AGO2: variants seen among roughly 807,000 people sequenced by gnomAD.
The protein encoded by AGO2 is argonaute RISC catalytic component 2.
In AGO2, 5 loss-of-function variants were observed where a neutral mutation model predicts 102.3. The ratio of observed to expected loss-of-function variants is 0.05; its 90% CI spans 0.03 to 0.10. The LOEUF is 0.10. Among genes scored for constraint, AGO2 ranks in the 10% least tolerant of loss-of-function variants. The pLI is 1.00. For missense variants in AGO2, 541 were observed against 1,183.7 expected, an observed-to-expected ratio of 0.46 and a Z score of 7.97; for synonymous variants, 449 against 473.1, an observed-to-expected ratio of 0.95 and a Z score of 0.66.
At chr8:140,595,231 T>C (rs553818859) in intron 1 of AGO2, among the ~76,000 whole-genome samples, 30 of 152,300 alleles carry the variant, frequency 2.0e-4, no homozygotes, top group African/African-American at 6.7e-4. Flanking sequence ...GCTTCTCCAT[T>C]GATCACACGG....
chr8:140,604,995 T>C (rs2073977560), intron 1 of AGO2, among the ~76,000 whole-genome samples: 1 of 152,186 alleles, frequency 6.6e-6, no homozygotes, highest in East Asian at 1.9e-4. Flanking sequence ...ACGTGCACTA[T>C]GTGGGATTTG....
intron 1 of AGO2, among the ~76,000 whole-genome samples, chr8:140,619,282 C>G (rs965207632): frequency 2.6e-5 from 4 of 152,216 alleles, no homozygotes; most frequent in African/African-American, 9.6e-5. Flanking sequence ...GGAACAGCTC[C>G]CTAACAGGCA....
chr8:140,634,628 T>G (rs1056845653), intron 1 of AGO2, among the ~76,000 whole-genome samples: 1 of 152,194 alleles, frequency 6.6e-6, no homozygotes, highest in Admixed American at 6.5e-5. Flanking sequence ...CGCTTTAAGT[T>G]TTTTAGAACT....
chr8:140,603,737 G>A (rs781135136), intron 1 of AGO2, among the ~76,000 whole-genome samples: 18 of 152,262 alleles, frequency 1.2e-4, no homozygotes, highest in Non-Finnish European at 2.6e-4. Context: ...TCCCTCAAGA[G>A]GGGCTTGCTC....
In AGO2 at chr8:140,567,034, T is replaced by C. The variant is rs1422270342; in HGVS notation, c.337-4400A>G. 1.3e-5 allele frequency among the ~76,000 whole-genome samples: 2 copies of C among 152,260 alleles called. No homozygotes were observed. The highest frequency in any genetic ancestry group is 4.8e-5 in the African/African-American group (2 of 41,474). ...GCACTCGGCATCCAGCCTACAGTGC[T>C]GTGCCCTGGCACGGATCGGATGCCT... On this transcript the variant is annotated intron_variant, in intron 3 of 18. Transcript: ENST00000220592. The surrounding 1 kb of genome is among the most constrained non-coding windows in gnomAD (Gnocchi z 5.0).
rs564268049 is a variant in AGO2, at chr8:140,598,619, G to A, written c.23-13308C>T. On this transcript the variant is annotated intron_variant, in intron 1 of 18. Transcript: ENST00000220592. ...CTCCCGCTTGCCCGACAGCCCTGGTGCCAAGCCCTGTCTGAGCCCCACCAG... is the reference window on the plus strand; with the variant it reads ...CTCCCGCTTGCCCGACAGCCCTGGTACCAAGCCCTGTCTGAGCCCCACCAG... Among the ~76,000 whole-genome samples, 3 of 152,302 alleles carry A rather than the reference G, an allele frequency of 2.0e-5. No individual in the cohort carries two copies. The South Asian group carries it at 6.2e-4, about 32-fold the overall frequency.
intron 8 of AGO2, 146 bp downstream of exon 8, chr8:140,556,943 C>T: frequency 8.2e-7 from 1 of 1,218,694 alleles, no homozygotes; most frequent in South Asian, 1.5e-5. Context: ...TAACAAAGCC[C>T]ATTAACCCAC....
At chr8:140,549,985 G>C (rs1391965595) in intron 11 of AGO2, among the ~76,000 whole-genome samples, 1 of 152,200 alleles carries the variant, frequency 6.6e-6, no homozygotes, top group Non-Finnish European at 1.5e-5. Flanking sequence ...CCAATTTCCT[G>C]TACATTAGAT....
chr8:140,612,350 C>T (rs566064643), intron 1 of AGO2, among the ~76,000 whole-genome samples: 8 of 151,346 alleles, frequency 5.3e-5, no homozygotes, highest in Admixed American at 4.6e-4. Context: ...CCGTGTAACT[C>T]TGTGAGCTAG....
chr8:140,613,045 AAAT>A (rs1254023772), intron 1 of AGO2, among the ~76,000 whole-genome samples: 1 of 151,894 alleles, frequency 6.6e-6, no homozygotes, highest in African/African-American at 2.4e-5. Flanking sequence ...TAAAAATACA[AAAT>A]AATTAGCCAG....
At chr8:140,534,636 T>A (rs987408769) in intron 17 of AGO2, among the ~76,000 whole-genome samples, 1 of 152,258 alleles carries the variant, frequency 6.6e-6, no homozygotes, top group African/African-American at 2.4e-5. Flanking sequence ...TGTGACATTT[T>A]AAAATATTTC....
chr8:140,565,227 C>G (rs1356490803), intron 3 of AGO2, among the ~76,000 whole-genome samples: 1 of 151,984 alleles, frequency 6.6e-6, no homozygotes, highest in Non-Finnish European at 1.5e-5. Flanking sequence ...ATCACGAGAT[C>G]AGGAGATCGA....
At chr8:140,585,874 T>C (rs934727171) in intron 1 of AGO2, among the ~76,000 whole-genome samples, 5 of 152,210 alleles carry the variant, frequency 3.3e-5, no homozygotes, top group African/African-American at 1.2e-4. Context: ...TCAATCCCTA[T>C]TGACATTCAC....
intron 3 of AGO2, among the ~76,000 whole-genome samples, chr8:140,566,712 C>T (rs745557893): frequency 2.7e-5 from 4 of 150,812 alleles, no homozygotes; most frequent in African/African-American, 9.8e-5. Flanking sequence ...AGCAGAGGGG[C>T]GAGTGCCCCT....
At chr8:140,633,319 CCA>C (rs938860931) in intron 1 of AGO2, among the ~76,000 whole-genome samples, 2 of 152,176 alleles carry the variant, frequency 1.3e-5, no homozygotes, top group Non-Finnish European at 2.9e-5. Context: ...TGGAACTGCA[CCA>C]CAGACTTATA....
rs1392931218 is a variant in AGO2, at chr8:140,527,419, A to G, written c.*4625T>C. The G allele has an allele frequency of 6.5e-6, 1 of 152,864 alleles. No homozygotes were observed. The highest frequency in any genetic ancestry group is 1.9e-4 in the East Asian group (1 of 5,198). 9.5% of individuals were successfully genotyped at this position (152,864 alleles called of 1,614,324 possible). ...TACAATCATCTCAAACAAGTACAGC[A>G]GATGCGAAGTGGGACATCGTAAAAA... On this transcript the variant is annotated 3_prime_UTR_variant, in exon 19 of 19. Transcript: ENST00000220592. The surrounding 1 kb of genome is among the most constrained non-coding windows in gnomAD (Gnocchi z 6.0).
chr8:140,596,413 G>A (rs1000543263), intron 1 of AGO2, among the ~76,000 whole-genome samples: 4 of 152,098 alleles, frequency 2.6e-5, no homozygotes, highest in African/African-American at 7.2e-5. Flanking sequence ...GTGAAACCCC[G>A]TCTCTACTAA....
chr8:140,553,375 C>T (rs2073035783), intron 10 of AGO2, among the ~76,000 whole-genome samples: 1 of 151,612 alleles, frequency 6.6e-6, no homozygotes, highest in Admixed American at 6.6e-5. Context: ...CAGAGAAACA[C>T]TCTGCCTCAA....
chr8:140,628,945 T>G (rs369613424), intron 1 of AGO2, among the ~76,000 whole-genome samples: 1 of 150,668 alleles, frequency 6.6e-6, no homozygotes, highest in African/African-American at 2.4e-5. Flanking sequence ...AAAAAAAATT[T>G]GGGTATATAG....
Sources: gnomAD v4.1 joint callset for allele counts (sites outside exome capture counted in the v4.1 genomes callset) on GRCh38, gnomAD v4.1.1 for gene constraint, Gnocchi (gnomAD v3.1) non-coding constraint, MANE v1.5 for transcripts, NCBI Gene and HGNC (gene_info 2026-07-23, HGNC 2026-07-21) for gene names.